Variants in LRMDA observed in about 807,000 individuals in gnomAD.
LRMDA encodes the protein leucine rich melanocyte differentiation associated, also known as leucine-rich melanocyte differentiation-associated protein.
LRMDA carries 18 observed loss-of-function variants against 29.8 expected under a neutral mutation model. The observed-to-expected ratio is 0.60, with a 90% CI of 0.42 to 0.90. The LOEUF (loss-of-function observed/expected upper bound fraction) is 0.90, where lower values mean the gene tolerates loss of function less well. Among genes scored for constraint, LRMDA ranks in the 40% least tolerant of loss-of-function variants. LRMDA has a pLI of 0.00. For synonymous variants in LRMDA, 125 were observed against 109.4 expected, an observed-to-expected ratio of 1.14 and a Z score of -0.89; for missense variants, 273 against 273.9, an observed-to-expected ratio of 1.00 and a Z score of 0.02.
At chr10:76,251,317 A>G (rs562670592) in intron 5 of LRMDA, among the ~76,000 whole-genome samples, 22 of 138,340 alleles carry the variant, frequency 1.6e-4, no homozygotes, top group African/African-American at 5.4e-4. Flanking sequence ...CAGTGGCGCA[A>G]TCTCGGCTCA....
intron 4 of LRMDA, among the ~76,000 whole-genome samples, chr10:76,050,870 C>T (rs531671174): frequency 3.9e-5 from 6 of 152,304 alleles, no homozygotes; most frequent in Admixed American, 3.9e-4. Context: ...GTCTGGACTT[C>T]ACCTTTCAAA....
intron 5 of LRMDA, among the ~76,000 whole-genome samples, chr10:76,105,837 C>T (rs963530695): frequency 6.6e-6 from 1 of 152,200 alleles, no homozygotes; most frequent in Non-Finnish European, 1.5e-5. Flanking sequence ...ACCTCTGCCT[C>T]CCCAGTTCAA....
In LRMDA at chr10:75,719,931, C is replaced by G. The variant is rs117221422; in HGVS notation, c.131+281437C>G. On this transcript the variant is annotated intron_variant, in intron 2 of 6. Transcript: ENST00000611255. ...GGATGTTTTAATGTTGGATGGTTCACGTGGAGCCCTCATAATTCAGAGATT... is the reference window on the plus strand; with the variant it reads ...GGATGTTTTAATGTTGGATGGTTCAGGTGGAGCCCTCATAATTCAGAGATT... Among the ~76,000 whole-genome samples, 3 of 152,140 alleles carry G rather than the reference C, an allele frequency of 2.0e-5. No homozygotes were observed. The East Asian group carries it at 5.8e-4, about 29-fold the overall frequency.
intron 6 of LRMDA, among the ~76,000 whole-genome samples, chr10:76,336,927 T>C (rs766607202): frequency 6.6e-6 from 1 of 152,200 alleles, no homozygotes; most frequent in African/African-American, 2.4e-5. Flanking sequence ...TTCCTTGTTA[T>C]GTCTAATTTC....
At chr10:76,536,616 A>G (rs1250462297) in intron 6 of LRMDA, among the ~76,000 whole-genome samples, 5 of 152,110 alleles carry the variant, frequency 3.3e-5, no homozygotes, top group African/African-American at 1.2e-4. Context: ...TTTTCTGAAC[A>G]TTCCCTCATG....
At chr10:76,286,373 C>G (rs1840271416) in intron 5 of LRMDA, among the ~76,000 whole-genome samples, 1 of 152,178 alleles carries the variant, frequency 6.6e-6, no homozygotes, top group Admixed American at 6.5e-5. Context: ...AACCCGGTGA[C>G]CCCGGGCTTT....
At chr10:76,239,557 T>G (rs1013830558) in intron 5 of LRMDA, among the ~76,000 whole-genome samples, 1 of 152,034 alleles carries the variant, frequency 6.6e-6, no homozygotes, top group Non-Finnish European at 1.5e-5. Context: ...TCCTTTTTCA[T>G]CTTCTCTTTG....
At chr10:76,005,685 C>T in intron 2 of LRMDA, among the ~76,000 whole-genome samples, 1 of 152,068 alleles carries the variant, frequency 6.6e-6, no homozygotes, top group Admixed American at 6.5e-5. Flanking sequence ...AATCCCAGCA[C>T]TTTGGGAGGC....
intron 2 of LRMDA, among the ~76,000 whole-genome samples, chr10:75,609,357 A>G (rs1381275477): frequency 2.6e-5 from 4 of 152,166 alleles, no homozygotes; most frequent in Admixed American, 1.3e-4. Context: ...ATGGCAATTA[A>G]TTGGAACTTA....
Position 76,014,150 on chromosome 10 carries a change from A to ATATATATATATAAT in LRMDA, c.132-21848_132-21847insTAATTATATATATA, listed in dbSNP as rs1399820243. ...ATTATATATATATATATATAATTAT[A>ATATATATATATAAT]TATATATATAATTATATATATATGG... On this transcript the variant is annotated intron_variant, in intron 2 of 6. Transcript: ENST00000611255. Among the ~76,000 whole-genome samples the ATATATATATATAAT allele has an allele frequency of 7.3e-4, 103 of 142,044 alleles. 1 individual carries two copies. The highest frequency in any genetic ancestry group is 1.3e-3 in the Non-Finnish European group (87 of 66,036). 93.2% of individuals were successfully genotyped at this position (142,044 alleles called of 152,430 possible).
chr10:76,217,025 T>TACC (rs1851740701), intron 5 of LRMDA, among the ~76,000 whole-genome samples: 1 of 152,104 alleles, frequency 6.6e-6, no homozygotes, highest in Non-Finnish European at 1.5e-5. Flanking sequence ...ATTAAGATAA[T>TACC]AGACATATCC....
intron 2 of LRMDA, among the ~76,000 whole-genome samples, chr10:75,908,786 G>A (rs1845798871): frequency 1.3e-5 from 2 of 152,186 alleles, no homozygotes; most frequent in African/African-American, 4.8e-5. Context: ...TTCCCCATCT[G>A]CCAGTTAGAG....
chr10:76,245,199 A>C (rs1852352604), intron 5 of LRMDA, among the ~76,000 whole-genome samples: 1 of 152,174 alleles, frequency 6.6e-6, no homozygotes, highest in Non-Finnish European at 1.5e-5. Context: ...TATATATATC[A>C]TCCAGGGCTT....
intron 2 of LRMDA, among the ~76,000 whole-genome samples, chr10:75,992,820 A>G (rs1469152957): frequency 2.0e-5 from 3 of 152,220 alleles, no homozygotes; most frequent in Middle Eastern, 6.8e-3. Flanking sequence ...TCCTAATTTT[A>G]CCTGAGTTAA....
At chr10:76,290,411 CTTTTTTTTTTTT>C (rs11321369) in intron 5 of LRMDA, among the ~76,000 whole-genome samples, 49 of 76,758 alleles carry the variant, frequency 6.4e-4, no homozygotes, top group Non-Finnish European at 6.9e-4. Context: ...TTTATTTTCT[CTTTTTTTTTTTT>C]TTTTTTTTTT....
At chr10:75,654,562 C>T (rs894807297) in intron 2 of LRMDA, among the ~76,000 whole-genome samples, 9 of 152,158 alleles carry the variant, frequency 5.9e-5, no homozygotes, top group Non-Finnish European at 1.2e-4. Flanking sequence ...TGTCCTCTCC[C>T]CTCTCCTTCT....
intron 2 of LRMDA, among the ~76,000 whole-genome samples, chr10:75,499,528 GTTTACA>G (rs1845088088): frequency 6.6e-6 from 1 of 152,176 alleles, no homozygotes; most frequent in Non-Finnish European, 1.5e-5. Flanking sequence ...CTGTCCTGAA[GTTTACA>G]TGAAGTAAGG....
chr10:76,152,592 G>T (rs868313334), intron 5 of LRMDA, among the ~76,000 whole-genome samples: 54 of 152,044 alleles, frequency 3.6e-4, no homozygotes, highest in African/African-American at 1.1e-3. Flanking sequence ...TTAATTTTTT[G>T]GGGAACCACC....
intron 2 of LRMDA, among the ~76,000 whole-genome samples, chr10:75,936,975 A>C (rs1846306301): frequency 6.6e-6 from 1 of 152,220 alleles, no homozygotes. Context: ...TCATCTAAAT[A>C]TTGTTTATGG....
Sources: allele counts gnomAD v4.1 joint callset (sites outside exome capture counted in the v4.1 genomes callset), GRCh38; gene constraint gnomAD v4.1.1; transcripts MANE v1.5; gene names NCBI Gene and HGNC (gene_info 2026-07-23, HGNC 2026-07-21).